Variants in USP28 observed in about 807,000 individuals in gnomAD.
The protein encoded by USP28 is ubiquitin carboxyl-terminal hydrolase 28.
Under a neutral mutation model 145.0 loss-of-function variants are expected in USP28, and 113 were observed. That is an observed-to-expected ratio of 0.78 (90% CI 0.67 to 0.91). USP28 has a LOEUF of 0.91. USP28 is among the 40% of genes least tolerant of loss of function. USP28 has a pLI of 0.00. For missense variants in USP28, 1,201 were observed against 1,289.6 expected (o/e 0.93, Z 1.05); for synonymous variants, 447 against 450.9 (o/e 0.99, Z 0.11).
chr11:113,870,190 G>A (rs1011282028), intron 1 of USP28, among the ~76,000 whole-genome samples: 7 of 151,874 alleles, frequency 4.6e-5, no homozygotes, highest in Admixed American at 2.0e-4. Flanking sequence ...AAAAGTAACA[G>A]CAAAAAAGTG....
intron 3 of USP28, among the ~76,000 whole-genome samples, chr11:113,850,082 CAGG>C (rs1009323011): frequency 6.6e-6 from 1 of 152,084 alleles, no homozygotes; most frequent in African/African-American, 2.4e-5. Context: ...TAGCATTTCA[CAGG>C]AGAAGGGTGA....
chr11:113,821,334 C>G (rs991706244), intron 12 of USP28: 3 of 227,072 alleles, frequency 1.3e-5, no homozygotes, highest in African/African-American at 6.9e-5. Flanking sequence ...AGTAACATGC[C>G]CCTTGGGTCC....
At chr11:113,860,020 A>AC (rs1279137290) in intron 1 of USP28, among the ~76,000 whole-genome samples, 3 of 152,228 alleles carry the variant, frequency 2.0e-5, no homozygotes, top group Non-Finnish European at 4.4e-5. Flanking sequence ...GAGCAAAAAC[A>AC]ACTCACCCAC....
intron 5 of USP28, among the ~76,000 whole-genome samples, chr11:113,837,447 C>T (rs572603010): frequency 9.2e-5 from 14 of 152,312 alleles, no homozygotes; most frequent in African/African-American, 3.1e-4. Flanking sequence ...CAAAAATACA[C>T]CAACACATGA....
chr11:113,837,179 G>A (rs551450351), intron 5 of USP28, among the ~76,000 whole-genome samples: 1 of 152,150 alleles, frequency 6.6e-6, no homozygotes, highest in Non-Finnish European at 1.5e-5. Context: ...TCATCATTCT[G>A]TTAGTTTTTA....
At position 113,846,388 on chromosome 11, in the gene USP28, T is replaced by A. The variant is rs558470830; in HGVS notation, c.269-4620A>T. Among the ~76,000 whole-genome samples, 18 of 152,282 alleles carry A rather than the reference T, an allele frequency of 1.2e-4. No individual in the cohort carries two copies. The South Asian group carries it at 3.5e-3, about 30-fold the overall frequency. On this transcript the variant is annotated intron_variant, in intron 3 of 24. Coordinates refer to ENST00000003302, the Ensembl canonical transcript of USP28. ...ACATGGATGAAACTTAAGACAGATA[T>A]TATGCCAAATTAAATAAGCCAGTCA... is the stretch of plus-strand genomic sequence containing the variant.
At chr11:113,808,197 T>G in intron 18 of USP28, 61 bp from the exon 19 acceptor site, 1 of 1,541,404 alleles carries the variant, frequency 6.5e-7, no homozygotes, top group Non-Finnish European at 8.7e-7. Context: ...TAGGGGTTGG[T>G]TAAAGGCAGC....
chr11:113,872,282 C>G (rs181666546), intron 1 of USP28, among the ~76,000 whole-genome samples: 5 of 152,166 alleles, frequency 3.3e-5, no homozygotes, highest in Admixed American at 2.0e-4. Flanking sequence ...GTCAGGAGAT[C>G]GAGACCATCC....
At chr11:113,830,916 T>G (rs1943905360) in exon 9 of USP28, 1 of 1,613,918 alleles carries the variant, frequency 6.2e-7, no homozygotes, top group African/African-American at 1.3e-5. Context: ...GCTGCACCAT[T>G]GGATTTTCAG....
At chr11:113,807,435 G>T (rs1480089076) in intron 18 of USP28, among the ~76,000 whole-genome samples, 1 of 151,994 alleles carries the variant, frequency 6.6e-6, no homozygotes, top group East Asian at 1.9e-4. Context: ...GAGAGAGACA[G>T]AATTCATTAT....
At chr11:113,831,861 T>G in intron 8 of USP28, 59 bp downstream of exon 8, 1 of 1,535,300 alleles carries the variant, frequency 6.5e-7, no homozygotes, top group Non-Finnish European at 9.0e-7. Flanking sequence ...TTCCAGCATA[T>G]AATTCTCACT....
chr11:113,852,799 G>A (rs1011348317), intron 2 of USP28, among the ~76,000 whole-genome samples, 166 bp from the exon 3 acceptor site: 12 of 152,066 alleles, frequency 7.9e-5, no homozygotes, highest in African/African-American at 2.7e-4. Context: ...TGCTTGAAGC[G>A]TCTATTAAAT....
chr11:113,852,393 A>T, intron 3 of USP28, 108 bp downstream of exon 3: 1 of 1,402,156 alleles, frequency 7.1e-7, no homozygotes, highest in Non-Finnish European at 9.9e-7. Context: ...AGCTGTTATT[A>T]CTATTATTTT....
chr11:113,869,715 A>G (rs1325265094), intron 1 of USP28, among the ~76,000 whole-genome samples: 1 of 152,248 alleles, frequency 6.6e-6, no homozygotes. Flanking sequence ...TATGGCAGAC[A>G]CGAGTAATAC....
intron 1 of USP28, chr11:113,859,423 C>G (rs1330897046): frequency 1.3e-5 from 2 of 151,904 alleles, no homozygotes; most frequent in Admixed American, 1.3e-4. Flanking sequence ...GAATAACATG[C>G]AAATTCATGA....
At chr11:113,802,931 T>C (rs1213803985) in intron 23 of USP28, among the ~76,000 whole-genome samples, 1 of 152,162 alleles carries the variant, frequency 6.6e-6, no homozygotes, top group African/African-American at 2.4e-5. Flanking sequence ...CACAGAGGGA[T>C]GACTGATTCT....
chr11:113,833,220 G>C (rs540887218), intron 7 of USP28, among the ~76,000 whole-genome samples, 200 bp downstream of exon 7: 1 of 151,928 alleles, frequency 6.6e-6, no homozygotes, highest in Non-Finnish European at 1.5e-5. Flanking sequence ...GCCAGCCCCC[G>C]TGCAACACAC....
At chr11:113,814,193 T>TA (rs776207981) in intron 14 of USP28, among the ~76,000 whole-genome samples, 2 of 152,214 alleles carry the variant, frequency 1.3e-5, no homozygotes, top group Non-Finnish European at 2.9e-5. Context: ...CAAAATTTCT[T>TA]AAAGAGTAAG....
At chr11:113,840,020 A>C (rs1185000448) in intron 5 of USP28, among the ~76,000 whole-genome samples, 1 of 152,184 alleles carries the variant, frequency 6.6e-6, no homozygotes. Context: ...CAGAAAGAAA[A>C]AAACAAAAAA....
Sources: allele counts gnomAD v4.1 joint callset (sites outside exome capture counted in the v4.1 genomes callset), GRCh38; gene constraint gnomAD v4.1.1; transcripts MANE v1.5; gene names NCBI Gene and HGNC (gene_info 2026-07-23, HGNC 2026-07-21).